RNF19A: variants seen among roughly 807,000 people sequenced by gnomAD.
The protein encoded by RNF19A is E3 ubiquitin-protein ligase RNF19A.
RNF19A carries 32 observed loss-of-function variants against 75.7 expected under a neutral mutation model. The observed-to-expected ratio is 0.42, with a 90% CI of 0.32 to 0.57. The LOEUF (loss-of-function observed/expected upper bound fraction) is 0.57, where lower values mean the gene tolerates loss of function less well. Ranked by LOEUF, RNF19A falls within the 20% of genes least tolerant of loss-of-function variation. RNF19A has a pLI of 0.10. For synonymous variants in RNF19A, 335 were observed against 345.2 expected, an observed-to-expected ratio of 0.97 and a Z score of 0.33; for missense variants, 782 against 1,036.3, an observed-to-expected ratio of 0.75 and a Z score of 3.37.
chr8:100,317,330 C>G lies in RNF19A; in HGVS notation c.-242-3958G>C, dbSNP rs1043396395. 2.6e-5 allele frequency among the ~76,000 whole-genome samples: 4 copies of G among 152,202 alleles called. No individual in the cohort carries two copies. Among genetic ancestry groups the G allele is most frequent in the African/African-American group, 9.7e-5 (4 of 41,444 alleles). On this transcript the variant is annotated intron_variant, in intron 1 of 3. Transcript: ENST00000519527. The surrounding 1 kb of genome is among the most constrained non-coding windows in gnomAD (Gnocchi z 4.3). ...AGCAAGCGAGGGCTCTGAGGACTGC[C>G]AGCACGCTGTCACCTCTCATAAGTG...
intron 5 of RNF19A, among the ~76,000 whole-genome samples, chr8:100,266,690 T>C (rs370496881): frequency 6.6e-6 from 1 of 152,068 alleles, no homozygotes. Flanking sequence ...ATTTAGTTTT[T>C]TGTAGAGACA....
chr8:100,263,883 G>A (rs1434018227), intron 7 of RNF19A, 151 bp downstream of exon 7: 8 of 535,194 alleles, frequency 1.5e-5, no homozygotes, highest in Middle Eastern at 4.9e-4. Flanking sequence ...ACTCCTCCTT[G>A]GCAGTTTATT....
intron 1 of RNF19A, among the ~76,000 whole-genome samples, chr8:100,297,298 G>A (rs914184200): frequency 2.0e-5 from 3 of 152,046 alleles, no homozygotes; most frequent in Non-Finnish European, 2.9e-5. Flanking sequence ...CACATAATAC[G>A]CAGATCTAAG....
At chr8:100,312,682 G>A (rs1314323057), upstream of RNF19A, among the ~76,000 whole-genome samples, 1 of 152,196 alleles carries the variant, frequency 6.6e-6, no homozygotes, top group Non-Finnish European at 1.5e-5. Context: ...CCGGCACTTT[G>A]GGAGGCTTAG....
intron 1 of RNF19A, among the ~76,000 whole-genome samples, chr8:100,295,313 T>C (rs1301817869): frequency 6.6e-6 from 1 of 152,254 alleles, no homozygotes; most frequent in Admixed American, 6.5e-5. Context: ...TAGATACTTT[T>C]GACAGCACTC....
intron 5 of RNF19A, among the ~76,000 whole-genome samples, chr8:100,268,041 T>C (rs1488668377): frequency 6.6e-6 from 1 of 152,002 alleles, no homozygotes; most frequent in African/African-American, 2.4e-5. Flanking sequence ...TGGGATTAAT[T>C]TCTTTTTATT....
intron 1 of RNF19A, among the ~76,000 whole-genome samples, chr8:100,328,678 G>A (rs1822572105): frequency 6.6e-6 from 1 of 152,042 alleles, no homozygotes; most frequent in Non-Finnish European, 1.5e-5. Context: ...CACCATGTTG[G>A]TCAGGCTAGT....
At chr8:100,265,470 AT>A (rs1819927309) in intron 5 of RNF19A, among the ~76,000 whole-genome samples, 1 of 136,178 alleles carries the variant, frequency 7.3e-6, no homozygotes, top group African/African-American at 3.8e-5. Context: ...ATTTGATATC[AT>A]CATAGAAGCG....
chr8:100,264,157 C>T lies in RNF19A; in HGVS notation c.1345G>A (p.Val449Ile), dbSNP rs767726348. Residue 449 changes from valine to isoleucine, a missense_variant, in exon 7 of 10, where the codon GTA (valine) becomes ATA (isoleucine). Physicochemically the swap from Val to Ile is conservative, Grantham distance 29. Transcript: ENST00000341084. This position sits in a 1 kb window ranked among gnomAD's most constrained non-coding sequence, Gnocchi z 4.7. ...VPIMLAYVYGVVPISLCRSGG... is the reference protein window; with the variant it reads ...VPIMLAYVYGIVPISLCRSGG... ...CTTCGACAAAGAGAAATTGGAACTA[C>T]GCCATAGACATAAGCTAACATAATA... 1.9e-5 allele frequency: 30 copies of T among 1,613,386 alleles called. No individual in the cohort carries two copies. Among genetic ancestry groups the T allele is most frequent in the African/African-American group, 1.7e-4 (13 of 74,882 alleles).
At chr8:100,288,326 T>C in intron 1 of RNF19A, 59 bp from the exon 2 acceptor site, 1 of 1,113,772 alleles carries the variant, frequency 9.0e-7, no homozygotes, top group Non-Finnish European at 1.2e-6. Flanking sequence ...GTTTGTATAT[T>C]TTTATAAATA....
intron 1 of RNF19A, among the ~76,000 whole-genome samples, chr8:100,318,248 C>G (rs1387736666): frequency 6.6e-6 from 1 of 152,168 alleles, no homozygotes; most frequent in East Asian, 1.9e-4. Flanking sequence ...GTGGAACTGA[C>G]AGTATTTCCC....
chr8:100,325,076 T>C lies in RNF19A; in HGVS notation c.-243+11032A>G, dbSNP rs1822515497. On this transcript the variant is annotated intron_variant, in intron 1 of 3. Coordinates refer to the RNF19A transcript ENST00000519527. The surrounding 1 kb of genome is among the most constrained non-coding windows in gnomAD (Gnocchi z 4.3). ...TGCCTACCACCACAACCGGCTAATTTTTTGTATTTTTAGTAGAGATGGGGT... is the reference window on the plus strand; with the variant it reads ...TGCCTACCACCACAACCGGCTAATTCTTTGTATTTTTAGTAGAGATGGGGT... Among the ~76,000 whole-genome samples the C allele has an allele frequency of 6.6e-6, 1 of 152,030 alleles. No individual in the cohort carries two copies. The highest frequency in any genetic ancestry group is 2.1e-4 in the South Asian group (1 of 4,820).
chr8:100,305,681 T>G (rs1432429849), intron 1 of RNF19A, among the ~76,000 whole-genome samples: 1 of 152,230 alleles, frequency 6.6e-6, no homozygotes, highest in African/African-American at 2.4e-5. Context: ...AAATACTTAT[T>G]CGACATCTTT....
chr8:100,285,288 C>T (rs949126396), intron 2 of RNF19A, among the ~76,000 whole-genome samples: 10 of 152,056 alleles, frequency 6.6e-5, no homozygotes, highest in African/African-American at 2.2e-4. Context: ...CCTCTGTAAT[C>T]TGTTTTGATT....
chr8:100,259,704 C>T lies in RNF19A; in HGVS notation c.1826+150G>A. ...CCACAAATCCACTTTATGATCTATA[C>T]AGATTTGCCTACTCTGGACAGCTCA... is the stretch of plus-strand genomic sequence containing the variant. On this transcript the variant is annotated intron_variant, in intron 9 of 9. Transcript: ENST00000341084. This position sits in a 1 kb window ranked among gnomAD's most constrained non-coding sequence, Gnocchi z 4.5. The T allele has an allele frequency of 3.0e-6, 2 of 673,970 alleles. No individual in the cohort carries two copies. The highest frequency in any genetic ancestry group is 4.9e-6 in the Non-Finnish European group (2 of 407,964). The allele number at this position is 673,970 out of a possible 1,614,324, so 41.7% of individuals were successfully genotyped here.
In RNF19A at chr8:100,323,052, A is replaced by G. The variant is rs947254925; in HGVS notation, c.-242-9680T>C. Among the ~76,000 whole-genome samples, 1 of 152,226 alleles carries G rather than the reference A, an allele frequency of 6.6e-6. No homozygotes were observed. On this transcript the variant is annotated intron_variant, in intron 1 of 3. Coordinates refer to the RNF19A transcript ENST00000519527. The surrounding 1 kb of genome is among the most constrained non-coding windows in gnomAD (Gnocchi z 4.6). ...CACAGGCTGCCGAAAAATGTTGCCA[A>G]TAGACTCGCTGGTTGCAGGGTTGCC...
chr8:100,259,039 C>A lies in RNF19A; in HGVS notation c.2034G>T (p.Leu678=). 2 of 1,614,182 alleles carry A rather than the reference C, an allele frequency of 1.2e-6. No homozygotes were observed. The highest frequency in any genetic ancestry group is 1.7e-6 in the Non-Finnish European group (2 of 1,180,020). ...TTATCTTCATGTTACCCTTTTTCCT[C>A]AGTTTACCACTTTTTGATTTTTTCC... is the stretch of plus-strand genomic sequence containing the variant. ...TAGKKSKSGK[L]RKKGNMKINE... The change falls in exon 10 of 10, where the codon CTG becomes CTT. Residue 678 remains leucine (L), a synonymous_variant. Transcript: ENST00000341084. The surrounding 1 kb of genome is among the most constrained non-coding windows in gnomAD (Gnocchi z 4.5).
At chr8:100,308,297 T>C (rs1244775043) in intron 1 of RNF19A, among the ~76,000 whole-genome samples, 1 of 152,182 alleles carries the variant, frequency 6.6e-6, no homozygotes, top group East Asian at 1.9e-4. Context: ...AAGAGAACAT[T>C]AAGCAGGGCA....
At position 100,287,810 on chromosome 8, in the gene RNF19A, A is replaced by T; in HGVS notation, c.365T>A (p.Ile122Asn). Reference protein sequence around the residue: ...NTSSDNGLTSISKQIGDFIEC... With the variant: ...NTSSDNGLTSNSKQIGDFIEC... ...TATGAAGTCTCCAATTTGTTTGCTG[A>T]TGGAAGTTAATCCATTGTCAGAAGA... Residue 122 changes from isoleucine to asparagine, a missense_variant, in exon 2 of 10, where the codon ATC (isoleucine) becomes AAC (asparagine). Ile to Asn is a moderately radical substitution (Grantham distance 149). Coordinates refer to ENST00000341084, the MANE Select transcript of RNF19A (RefSeq NM_183419.4). This position sits in a 1 kb window ranked among gnomAD's most constrained non-coding sequence, Gnocchi z 4.1. The T allele has an allele frequency of 6.2e-7, 1 of 1,614,220 alleles. No individual in the cohort carries two copies. Among genetic ancestry groups the T allele is most frequent in the Non-Finnish European group, 8.5e-7 (1 of 1,180,024 alleles).
Sources: allele counts gnomAD v4.1 joint callset (sites outside exome capture counted in the v4.1 genomes callset), GRCh38; gene constraint gnomAD v4.1.1; non-coding constraint Gnocchi (gnomAD v3.1); transcripts MANE v1.5; gene names NCBI Gene and HGNC (gene_info 2026-07-23, HGNC 2026-07-21).